Variants in BMP6 observed in about 807,000 individuals in gnomAD.
BMP6 encodes VG-1-R.
BMP6 carries 17 observed loss-of-function variants against 54.1 expected under a neutral mutation model. The observed-to-expected ratio is 0.31, with a 90% CI of 0.22 to 0.47. The LOEUF is 0.47. BMP6 is among the 20% of genes least tolerant of loss of function. BMP6 has a pLI of 1.00. For missense variants in BMP6, 720 were observed against 690.4 expected (o/e 1.04, Z -0.48); for synonymous variants, 328 against 291.2 (o/e 1.13, Z -1.28).
At chr6:7,845,117 C>T (rs1759040863) in intron 1 of BMP6, 23 bp from the exon 2 acceptor site, 2 of 1,592,750 alleles carry the variant, frequency 1.3e-6, no homozygotes, top group African/African-American at 1.3e-5. Context: ...ATAGTTGTCA[C>T]TCTCTCTTGT....
At chr6:7,748,521 T>A (rs9328443) in intron 1 of BMP6, among the ~76,000 whole-genome samples, 1 of 152,308 alleles carries the variant, frequency 6.6e-6, no homozygotes, top group East Asian at 1.9e-4. Context: ...CTCTGGCACT[T>A]GAGCAGCTCA....
At chr6:7,852,583 T>A (rs1473225018) in intron 2 of BMP6, among the ~76,000 whole-genome samples, 2 of 152,130 alleles carry the variant, frequency 1.3e-5, no homozygotes, top group South Asian at 2.1e-4. Context: ...TCTCAAAAAA[T>A]TTTTTTTAAT....
rs147979929 is a variant in BMP6 at position 7,804,665 on chromosome 6, G to A, written c.665-40475G>A. Among the ~76,000 whole-genome samples the A allele has an allele frequency of 7.2e-5, 11 of 152,216 alleles. No individual in the cohort carries two copies. In the East Asian group the frequency reaches 1.2e-3, roughly 16 times the overall value. ...TTAGCAAACATCTGGTGTCTTTTAC[G>A]TGCCAGTCACAGTGCTGGGTTTGAA... On this transcript the variant is annotated intron_variant, in intron 1 of 6. Transcript: ENST00000283147.
rs59914050 is a variant in BMP6, at chr6:7,802,648, G to A, written c.665-42492G>A. Among the ~76,000 whole-genome samples the A allele has an allele frequency of 2.8e-3, 431 of 152,306 alleles. 5 individuals carry two copies. The highest frequency in any genetic ancestry group is 9.7e-3 in the African/African-American group (404 of 41,574). ...AGTCACTTGATGAGGAGGGATGGGT[G>A]CTGCCATCAGCAACAACCTATGCAC... On this transcript the variant is annotated intron_variant, in intron 1 of 6. Coordinates refer to ENST00000283147, the MANE Select transcript of BMP6 (RefSeq NM_001718.6).
At chr6:7,863,289 C>T (rs1419656344) in intron 4 of BMP6, among the ~76,000 whole-genome samples, 4 of 152,188 alleles carry the variant, frequency 2.6e-5, no homozygotes, top group Non-Finnish European at 5.9e-5. Flanking sequence ...TGAGCCACTG[C>T]GCCTGGCCAG....
At position 7,742,093 on chromosome 6, in the gene BMP6, G is replaced by T. The variant is rs114422566; in HGVS notation, c.664+14474G>T. 9.4e-3 allele frequency among the ~76,000 whole-genome samples: 1,424 copies of T among 152,274 alleles called. 35 individuals carry two copies. Among genetic ancestry groups the T allele is most frequent in the African/African-American group, 0.033 (1,354 of 41,544 alleles). On this transcript the variant is annotated intron_variant, in intron 1 of 6. Coordinates refer to ENST00000283147, the MANE Select transcript of BMP6 (RefSeq NM_001718.6). ...GAACGAGAGAATTACAAACTGTGAA[G>T]CATGTGTGCTATTATAAGAAATGCT...
At chr6:7,786,470 T>G (rs1009599697) in intron 1 of BMP6, among the ~76,000 whole-genome samples, 2 of 151,712 alleles carry the variant, frequency 1.3e-5, no homozygotes, top group Non-Finnish European at 2.9e-5. Flanking sequence ...GTTTTTTTTT[T>G]TTTTTTTTTT....
chr6:7,751,621 T>C (rs1005477904), intron 1 of BMP6, among the ~76,000 whole-genome samples: 17 of 152,254 alleles, frequency 1.1e-4, no homozygotes, highest in Admixed American at 3.3e-4. Context: ...CATTAAATTA[T>C]ATTTACAAAT....
intron 2 of BMP6, among the ~76,000 whole-genome samples, chr6:7,851,909 C>A (rs2113263172): frequency 6.6e-6 from 1 of 152,200 alleles, no homozygotes; most frequent in Middle Eastern, 3.4e-3. Context: ...ATCCCTGGAA[C>A]AAGTTCAACT....
At chr6:7,843,939 C>T (rs1759018048) in intron 1 of BMP6, among the ~76,000 whole-genome samples, 1 of 152,150 alleles carries the variant, frequency 6.6e-6, no homozygotes, top group African/African-American at 2.4e-5. Context: ...TTAAGGGGTA[C>T]AACGTGATTT....
intron 2 of BMP6, 131 bp downstream of exon 2, chr6:7,845,463 T>C (rs1464172762): frequency 5.3e-6 from 4 of 753,228 alleles, no homozygotes; most frequent in Admixed American, 3.6e-5. Context: ...TACGATGAGG[T>C]GGGTGTTGTA....
intron 1 of BMP6, among the ~76,000 whole-genome samples, chr6:7,841,786 AAAAG>A (rs1758974406): frequency 6.6e-6 from 1 of 152,246 alleles, no homozygotes; most frequent in African/African-American, 2.4e-5. Context: ...AGGATAAAGG[AAAAG>A]AAAGTTCAGA....
At chr6:7,755,487 A>G (rs1286020223) in intron 1 of BMP6, among the ~76,000 whole-genome samples, 3 of 152,102 alleles carry the variant, frequency 2.0e-5, no homozygotes, top group African/African-American at 7.2e-5. Flanking sequence ...TCTTTGTACT[A>G]TTGTTTTCAT....
chr6:7,792,703 G>A (rs956236329), intron 1 of BMP6, among the ~76,000 whole-genome samples: 1 of 152,232 alleles, frequency 6.6e-6, no homozygotes, highest in African/African-American at 2.4e-5. Flanking sequence ...GGCAGAGCCA[G>A]TAACAGAGGA....
In BMP6 at chr6:7,726,517, G is replaced by C. The variant is rs1445365014; in HGVS notation, c.-439G>C. Among the ~76,000 whole-genome samples, 2 of 152,170 alleles carry C rather than the reference G, an allele frequency of 1.3e-5. No individual in the cohort carries two copies. Among genetic ancestry groups the C allele is most frequent in the Non-Finnish European group, 2.9e-5 (2 of 68,012 alleles). The stretch of plus-strand genomic sequence containing the variant: ...CGGGCATCTCCCGCAGCTCGTGAGC[G>C]GCCCCGCTCCCCGCTGCCCCGGGTC... On this transcript the variant is annotated 5_prime_UTR_variant, in exon 1 of 7. Coordinates refer to ENST00000283147, the MANE Select transcript of BMP6 (RefSeq NM_001718.6).
At chr6:7,814,476 C>G (rs1561780628) in intron 1 of BMP6, among the ~76,000 whole-genome samples, 1 of 152,128 alleles carries the variant, frequency 6.6e-6, no homozygotes, top group Non-Finnish European at 1.5e-5. Flanking sequence ...TTTTGCTGTT[C>G]TTTAGTTTGA....
chr6:7,813,087 A>C (rs1256164961), intron 1 of BMP6, among the ~76,000 whole-genome samples: 3 of 10,566 alleles, frequency 2.8e-4, no homozygotes, highest in African/African-American at 1.2e-3. Context: ...CTGTCTCTAC[A>C]AAAAAAAAAA....
At chr6:7,804,637 C>T (rs887310511) in intron 1 of BMP6, among the ~76,000 whole-genome samples, 1 of 152,186 alleles carries the variant, frequency 6.6e-6, no homozygotes, top group Non-Finnish European at 1.5e-5. Flanking sequence ...TTCATTCATT[C>T]ATTTAGCAAA....
At chr6:7,852,968 G>A (rs568992988) in intron 2 of BMP6, among the ~76,000 whole-genome samples, 4 of 152,226 alleles carry the variant, frequency 2.6e-5, no homozygotes, top group East Asian at 3.9e-4. Context: ...CTCTTCTCAC[G>A]CACTAGCTGC....
Sources: allele counts gnomAD v4.1 joint callset (sites outside exome capture counted in the v4.1 genomes callset), GRCh38; gene constraint gnomAD v4.1.1; transcripts MANE v1.5; gene names NCBI Gene and HGNC (gene_info 2026-07-23, HGNC 2026-07-21).